SGCZ: variants seen among roughly 807,000 people sequenced by gnomAD.
The protein encoded by SGCZ is sarcoglycan zeta.
In SGCZ, 40 loss-of-function variants were observed where a neutral mutation model predicts 41.3. That is an observed-to-expected ratio of 0.97 (90% CI 0.75 to 1.26). SGCZ has a LOEUF of 1.26. Ranked by LOEUF, SGCZ falls within the 50% of genes most tolerant of loss-of-function variation. The pLI, the probability that SGCZ is intolerant of heterozygous loss-of-function variation, is 0.00. For missense variants in SGCZ, 552 were observed against 369.8 expected, an observed-to-expected ratio of 1.49 and a Z score of -4.04; for synonymous variants, 206 against 137.5, an observed-to-expected ratio of 1.50 and a Z score of -3.49.
chr8:14,956,183 G>T (rs959260381), intron 1 of SGCZ, among the ~76,000 whole-genome samples: 24 of 151,692 alleles, frequency 1.6e-4, no homozygotes, highest in African/African-American at 5.8e-4. Flanking sequence ...GGGACTACAG[G>T]CATGCGTGAC....
intron 1 of SGCZ, among the ~76,000 whole-genome samples, chr8:15,075,436 G>A (rs552208133): frequency 2.6e-5 from 4 of 152,260 alleles, no homozygotes; most frequent in South Asian, 2.1e-4. Context: ...TGAGCATGAT[G>A]ATCACTTTTG....
rs185930988 is a variant in SGCZ, at chr8:14,544,942, C to G, written c.234+9790G>C. ...CTTTTTGCCCTTTGAAGCATGTGATCTTTGTACCTACTCCCCGTTCTTACA... is the reference window on the plus strand; with the variant it reads ...CTTTTTGCCCTTTGAAGCATGTGATGTTTGTACCTACTCCCCGTTCTTACA... On this transcript the variant is annotated intron_variant, in intron 2 of 7. Transcript: ENST00000382080. 1.7e-4 allele frequency among the ~76,000 whole-genome samples: 26 copies of G among 152,180 alleles called. No individual in the cohort carries two copies. The East Asian group carries it at 4.8e-3, about 28-fold the overall frequency.
At chr8:15,002,179 T>C (rs1204003440) in intron 1 of SGCZ, among the ~76,000 whole-genome samples, 3 of 147,484 alleles carry the variant, frequency 2.0e-5, no homozygotes, top group Admixed American at 7.0e-5. Context: ...GCTTCAGGAA[T>C]GACTTAAGAA....
intron 4 of SGCZ, among the ~76,000 whole-genome samples, chr8:14,236,664 A>C (rs187314999): frequency 1.5e-3 from 221 of 151,584 alleles, no homozygotes; most frequent in Admixed American, 3.5e-3. Flanking sequence ...CTCTCTCTCT[A>C]TATATATGTG....
intron 1 of SGCZ, among the ~76,000 whole-genome samples, chr8:14,841,647 A>T (rs974814833): frequency 6.6e-6 from 1 of 152,198 alleles, no homozygotes; most frequent in Admixed American, 6.5e-5. Flanking sequence ...TCGATGGCCA[A>T]GAGTTGTGTT....
chr8:14,105,667 T>G (rs1203915195), intron 6 of SGCZ, among the ~76,000 whole-genome samples: 1 of 152,122 alleles, frequency 6.6e-6, no homozygotes, highest in African/African-American at 2.4e-5. Flanking sequence ...AGTCTGCTTT[T>G]AGAACCAGCT....
At position 14,162,687 on chromosome 8, in the gene SGCZ, C is replaced by T. The variant is rs186439205; in HGVS notation, c.547+1893G>A. 12 of 152,168 alleles carry T rather than the reference C, an allele frequency of 7.9e-5. No individual in the cohort carries two copies. The East Asian group carries it at 2.3e-3, about 30-fold the overall frequency. The allele number at this position is 152,168 out of a possible 1,614,324, so 9.4% of individuals were successfully genotyped here. ...TCAACCAGGTGAGTATTCATGGGGA[C>T]CATCCTAAACACTCACCCAATGGTG... On this transcript the variant is annotated intron_variant, in intron 5 of 7. Coordinates refer to ENST00000382080, the MANE Select transcript of SGCZ (RefSeq NM_139167.4).
At chr8:14,335,736 G>C (rs529056101) in intron 2 of SGCZ, among the ~76,000 whole-genome samples, 16 of 152,114 alleles carry the variant, frequency 1.1e-4, no homozygotes, top group Admixed American at 1.0e-3. Flanking sequence ...TACAAGCTCA[G>C]AACTTTCGAG....
chr8:15,219,654 G>A (rs569521287), intron 1 of SGCZ, among the ~76,000 whole-genome samples: 76 of 152,192 alleles, frequency 5.0e-4, no homozygotes, highest in Non-Finnish European at 9.7e-4. Context: ...GATATTTACC[G>A]GAATGCTACT....
intron 1 of SGCZ, among the ~76,000 whole-genome samples, chr8:14,784,913 A>AAAATATAT (rs1408574493): frequency 2.2e-4 from 19 of 88,022 alleles, no homozygotes; most frequent in African/African-American, 5.6e-4. Flanking sequence ...AAAAAAAAAA[A>AAAATATAT]ATATATATAT....
intron 1 of SGCZ, among the ~76,000 whole-genome samples, chr8:14,689,594 T>C (rs1183758823): frequency 6.6e-6 from 1 of 152,154 alleles, no homozygotes; most frequent in African/African-American, 2.4e-5. Context: ...TTTAGTGAAT[T>C]ATATTATACA....
intron 1 of SGCZ, among the ~76,000 whole-genome samples, chr8:15,166,255 T>C (rs1040940052): frequency 1.1e-4 from 17 of 151,068 alleles, no homozygotes; most frequent in Non-Finnish European, 1.8e-4. Flanking sequence ...TTTTTTTTTT[T>C]TTCTTTTTTT....
intron 3 of SGCZ, among the ~76,000 whole-genome samples, chr8:14,316,745 AC>A (rs1477730785): frequency 6.6e-6 from 1 of 151,540 alleles, no homozygotes; most frequent in Non-Finnish European, 1.5e-5. Context: ...GATTCATTCC[AC>A]GGAAATCTTA....
intron 1 of SGCZ, among the ~76,000 whole-genome samples, chr8:14,568,338 A>T (rs1317211517): frequency 6.6e-6 from 1 of 151,312 alleles, no homozygotes; most frequent in Non-Finnish European, 1.5e-5. Context: ...ACCATGGCAC[A>T]TGTATACGTA....
intron 1 of SGCZ, among the ~76,000 whole-genome samples, chr8:15,002,254 T>C (rs1023699940): frequency 2.0e-5 from 3 of 151,134 alleles, no homozygotes; most frequent in African/African-American, 7.3e-5. Context: ...AGTGCAGTGA[T>C]ATTTGCCTTT....
intron 1 of SGCZ, among the ~76,000 whole-genome samples, chr8:14,576,418 G>C (rs1804714077): frequency 6.6e-6 from 1 of 152,152 alleles, no homozygotes; most frequent in Non-Finnish European, 1.5e-5. Flanking sequence ...AATAACAAGA[G>C]GAGCCATATA....
chr8:14,503,362 G>A (rs1261726680), intron 2 of SGCZ, among the ~76,000 whole-genome samples: 1 of 152,090 alleles, frequency 6.6e-6, no homozygotes, highest in Non-Finnish European at 1.5e-5. Context: ...GGGTTGATGA[G>A]TGCAGAAACC....
intron 1 of SGCZ, among the ~76,000 whole-genome samples, chr8:15,236,414 C>T (rs1221794869): frequency 6.6e-6 from 1 of 151,234 alleles, no homozygotes; most frequent in Non-Finnish European, 1.5e-5. Flanking sequence ...CAGGGCAAAC[C>T]TCTATTCGTC....
chr8:14,983,069 G>A (rs777945521), intron 1 of SGCZ, among the ~76,000 whole-genome samples: 46 of 152,174 alleles, frequency 3.0e-4, no homozygotes, highest in Non-Finnish European at 5.7e-4. Context: ...TCAAGGGGTT[G>A]TTCTGGGGAT....
Sources: gnomAD v4.1 joint callset for allele counts (sites outside exome capture counted in the v4.1 genomes callset) on GRCh38, gnomAD v4.1.1 for gene constraint, MANE v1.5 for transcripts, NCBI Gene and HGNC (gene_info 2026-07-23, HGNC 2026-07-21) for gene names.